NEBL: variants seen among roughly 807,000 people sequenced by gnomAD.
NEBL encodes the protein nebulette.
A neutral mutation model predicts 140.2 loss-of-function variants in NEBL; 122 were observed. The ratio of observed to expected loss-of-function variants is 0.87; its 90% CI spans 0.75 to 1.01. The LOEUF is 1.01. Among genes scored for constraint, NEBL ranks in the 50% least tolerant of loss-of-function variants. The pLI is 0.00. For synonymous variants in NEBL, 436 were observed against 398.9 expected (o/e 1.09, Z -1.11); for missense variants, 1,365 against 1,231.3 (o/e 1.11, Z -1.62).
At chr10:21,211,090 C>T (rs542778683) in intron 3 of NEBL, among the ~76,000 whole-genome samples, 2 of 152,280 alleles carry the variant, frequency 1.3e-5, no homozygotes, top group East Asian at 3.9e-4. Context: ...ATAAAGGCCA[C>T]TCGCAGAAAG....
chr10:20,879,173 A>G lies in NEBL; in HGVS notation c.480+1621T>C, dbSNP rs1845782978. ...TTAAAACCTTGACTAATTGACAGTA[A>G]CCTTTAAGGTGGAGACAGCAAAGTG... On this transcript the variant is annotated intron_variant, in intron 5 of 27. Coordinates refer to ENST00000377122, the MANE Select transcript of NEBL (RefSeq NM_006393.3). Among the ~76,000 whole-genome samples, 7 of 152,332 alleles carry G rather than the reference A, an allele frequency of 4.6e-5. 1 individual carries two copies. The South Asian group carries it at 1.4e-3, about 32-fold the overall frequency.
chr10:20,911,155 T>A (rs747650483), intron 4 of NEBL, among the ~76,000 whole-genome samples: 14 of 152,074 alleles, frequency 9.2e-5, no homozygotes, highest in Admixed American at 2.0e-4. Flanking sequence ...CAAAACAAGA[T>A]CCTGTCTCAA....
chr10:20,851,376 A>G (rs1193000522), intron 10 of NEBL, among the ~76,000 whole-genome samples: 1 of 152,118 alleles, frequency 6.6e-6, no homozygotes, highest in African/African-American at 2.4e-5. Flanking sequence ...AGGAAATATG[A>G]CACATTTTAA....
intron 3 of NEBL, among the ~76,000 whole-genome samples, chr10:20,982,324 C>T (rs566801172): frequency 3.9e-5 from 6 of 152,194 alleles, no homozygotes; most frequent in Non-Finnish European, 7.3e-5. Flanking sequence ...TCAGTGCTCA[C>T]ACAAATTTTA....
rs1015155070 is a variant in NEBL at position 21,112,129 on chromosome 10, T to A, written c.164+60254A>T. On this transcript the variant is annotated intron_variant, in intron 2 of 6. Transcript: ENST00000417816. ...GGATGTGGAGAAATAGGAATGCTTT[T>A]ACATGGTTGGTGGGAGTGTAGATTA... 2.0e-5 allele frequency among the ~76,000 whole-genome samples: 3 copies of A among 152,238 alleles called. No homozygotes were observed. In the South Asian group the frequency reaches 6.2e-4, roughly 32 times the overall value.
intron 2 of NEBL, among the ~76,000 whole-genome samples, chr10:21,077,799 T>A (rs933940611): frequency 6.6e-6 from 1 of 151,996 alleles, no homozygotes; most frequent in Non-Finnish European, 1.5e-5. Flanking sequence ...ACCTAGGAAG[T>A]GGGAGGAAAT....
chr10:21,181,326 A>G (rs1841383547), intron 3 of NEBL, among the ~76,000 whole-genome samples: 1 of 152,076 alleles, frequency 6.6e-6, no homozygotes, highest in Non-Finnish European at 1.5e-5. Flanking sequence ...CCCGGAGCCT[A>G]AAGTAAAATA....
chr10:21,020,850 C>A (rs1381127055), intron 2 of NEBL, among the ~76,000 whole-genome samples: 1 of 152,142 alleles, frequency 6.6e-6, no homozygotes, highest in African/African-American at 2.4e-5. Flanking sequence ...CACCTGGGAT[C>A]TCTTCTCTTC....
intron 1 of NEBL, among the ~76,000 whole-genome samples, chr10:21,284,727 G>T (rs946314299): frequency 6.6e-6 from 1 of 152,090 alleles, no homozygotes; most frequent in Non-Finnish European, 1.5e-5. Context: ...AAGGGGTTAG[G>T]GAGGCTTCCT....
intron 20 of NEBL, chr10:20,818,981 G>C (rs969034339): frequency 1.0e-6 from 1 of 958,128 alleles, no homozygotes; most frequent in Non-Finnish European, 1.2e-6. Context: ...TTTTACAAAA[G>C]AATTAATGCT....
At chr10:21,110,737 GATT>G (rs1837964077) in intron 2 of NEBL, 1 of 504,362 alleles carries the variant, frequency 2.0e-6, no homozygotes, top group Non-Finnish European at 3.9e-6. Context: ...AACCAACAAA[GATT>G]ATCGCTTTAA....
intron 2 of NEBL, chr10:21,030,687 G>A: frequency 4.1e-6 from 2 of 487,738 alleles, no homozygotes; most frequent in Non-Finnish European, 8.1e-6. Context: ...ACCACACTGG[G>A]AACTCTAGCC....
chr10:21,268,179 C>T (rs1181794354), intron 1 of NEBL, among the ~76,000 whole-genome samples: 4 of 152,120 alleles, frequency 2.6e-5, no homozygotes, highest in African/African-American at 7.2e-5. Flanking sequence ...ATCAAGACTG[C>T]GGCAACTGAA....
intron 2 of NEBL, among the ~76,000 whole-genome samples, chr10:21,157,645 T>C (rs559944543): frequency 4.3e-4 from 66 of 152,350 alleles, no homozygotes; most frequent in African/African-American, 1.5e-3. Flanking sequence ...ATATTTCCTT[T>C]CTTCTCTAGC....
chr10:20,937,009 T>A (rs749452660), intron 4 of NEBL, among the ~76,000 whole-genome samples: 8 of 152,222 alleles, frequency 5.3e-5, no homozygotes, highest in Non-Finnish European at 1.2e-4. Flanking sequence ...TCATTAGGAA[T>A]AAATACCACC....
At chr10:20,938,964 G>A (rs565607456) in intron 4 of NEBL, among the ~76,000 whole-genome samples, 1 of 152,154 alleles carries the variant, frequency 6.6e-6, no homozygotes, top group Non-Finnish European at 1.5e-5. Context: ...ATGTCTGCTT[G>A]GTGTACCTGA....
chr10:20,896,225 AT>A (rs1345382293), intron 2 of NEBL, among the ~76,000 whole-genome samples: 1 of 152,062 alleles, frequency 6.6e-6, no homozygotes, highest in East Asian at 1.9e-4. Context: ...AATGAGGATC[AT>A]CTAAATTCTC....
At chr10:20,920,479 A>G (rs949299929) in intron 4 of NEBL, among the ~76,000 whole-genome samples, 4 of 152,252 alleles carry the variant, frequency 2.6e-5, no homozygotes, top group African/African-American at 9.6e-5. Flanking sequence ...AGATTTCTGC[A>G]TACCGCTAAG....
intron 4 of NEBL, among the ~76,000 whole-genome samples, chr10:20,924,134 TC>T (rs1833745885): frequency 6.6e-6 from 1 of 152,100 alleles, no homozygotes; most frequent in Non-Finnish European, 1.5e-5. Flanking sequence ...GAGATTTTGC[TC>T]CCAGGAGACA....
Sources: allele counts gnomAD v4.1 joint callset (sites outside exome capture counted in the v4.1 genomes callset), GRCh38; gene constraint gnomAD v4.1.1; transcripts MANE v1.5; gene names NCBI Gene and HGNC (gene_info 2026-07-23, HGNC 2026-07-21).